The following SLC2A9 variants were observed in gnomAD, a reference collection of about 807,000 sequenced individuals.
SLC2A9 encodes solute carrier family 2, facilitated glucose transporter member 9.
Under a neutral mutation model 50.6 loss-of-function variants are expected in SLC2A9, and 39 were observed. The ratio of observed to expected loss-of-function variants is 0.77; its 90% CI spans 0.60 to 1.01. The LOEUF is 1.01. Among genes scored for constraint, SLC2A9 ranks in the 50% least tolerant of loss-of-function variants. The pLI is 0.00. For missense variants in SLC2A9, 686 were observed against 677.6 expected, an observed-to-expected ratio of 1.01 and a Z score of -0.14; for synonymous variants, 324 against 276.9, an observed-to-expected ratio of 1.17 and a Z score of -1.69.
intron 5 of SLC2A9, among the ~76,000 whole-genome samples, chr4:9,956,178 T>A (rs1751243954): frequency 6.6e-6 from 1 of 151,186 alleles, no homozygotes; most frequent in South Asian, 2.1e-4. Flanking sequence ...CCAGTGAGCA[T>A]CTGGATTTTT....
intron 1 of SLC2A9, among the ~76,000 whole-genome samples, chr4:10,029,545 T>A (rs561447284): frequency 9.1e-4 from 62 of 68,300 alleles, no homozygotes; most frequent in African/African-American, 2.4e-3. Flanking sequence ...AGGAATTTTT[T>A]AAATATTTTA....
Position 9,911,980 on chromosome 4 carries a change from G to C in SLC2A9, c.1003-3635C>G, listed in dbSNP as rs561329337. On this transcript the variant is annotated intron_variant, in intron 7 of 11. Coordinates refer to ENST00000264784, the MANE Select transcript of SLC2A9 (RefSeq NM_020041.3). ...CAGCCATAAAAAATAATGAGTTCATGTCCTTTGTAGGGACATGGATGAAGC... is the reference window on the plus strand; with the variant it reads ...CAGCCATAAAAAATAATGAGTTCATCTCCTTTGTAGGGACATGGATGAAGC... 2.7e-3 allele frequency among the ~76,000 whole-genome samples: 405 copies of C among 152,286 alleles called. 6 individuals carry two copies. The highest frequency in any genetic ancestry group is 9.5e-3 in the African/African-American group (396 of 41,558).
chr4:9,919,510 TG>T (rs1441081364), intron 7 of SLC2A9, among the ~76,000 whole-genome samples: 1 of 152,086 alleles, frequency 6.6e-6, no homozygotes, highest in Non-Finnish European at 1.5e-5. Context: ...CTGCCCGCCT[TG>T]GGGGGTGCTG....
chr4:9,808,176 C>T (rs538906072), intron 3 of SLC2A9, among the ~76,000 whole-genome samples: 1 of 152,172 alleles, frequency 6.6e-6, no homozygotes, highest in African/African-American at 2.4e-5. Flanking sequence ...TGTGCTCATT[C>T]TTTTTCTAGC....
intron 10 of SLC2A9, among the ~76,000 whole-genome samples, chr4:9,886,878 C>T (rs939664145): frequency 2.0e-5 from 3 of 152,144 alleles, no homozygotes; most frequent in East Asian, 1.9e-4. Context: ...GCATCCTTGT[C>T]GTTGTACAGA....
chr4:9,812,187 A>C (rs957099509), intron 3 of SLC2A9, among the ~76,000 whole-genome samples: 1 of 152,176 alleles, frequency 6.6e-6, no homozygotes, highest in Non-Finnish European at 1.5e-5. Context: ...GTTAGTTCCT[A>C]TATCTCTCAA....
intron 3 of SLC2A9, among the ~76,000 whole-genome samples, chr4:9,785,408 T>C (rs891934817): frequency 2.6e-5 from 4 of 152,262 alleles, no homozygotes; most frequent in African/African-American, 9.6e-5. Flanking sequence ...CTGTATCATT[T>C]CCCAATGCTG....
At chr4:9,887,736 G>T in intron 9 of SLC2A9, 94 bp from the exon 10 acceptor site, 1 of 1,019,016 alleles carries the variant, frequency 9.8e-7, no homozygotes, top group South Asian at 2.3e-5. Flanking sequence ...CCATCTGTGT[G>T]ACCTTGGACA....
intron 8 of SLC2A9, among the ~76,000 whole-genome samples, chr4:9,895,768 CT>C (rs1211053283): frequency 6.6e-6 from 1 of 152,186 alleles, no homozygotes; most frequent in Non-Finnish European, 1.5e-5. Context: ...ATGTATATAC[CT>C]TATAACCACA....
intron 8 of SLC2A9, among the ~76,000 whole-genome samples, chr4:9,903,090 CAG>C (rs1289042070): frequency 6.6e-6 from 1 of 152,144 alleles, no homozygotes; most frequent in African/African-American, 2.4e-5. Context: ...CAGTATGAAA[CAG>C]AGCCCAGATG....
intron 7 of SLC2A9, 112 bp from the exon 8 acceptor site, chr4:9,908,457 G>A: frequency 1.4e-6 from 1 of 738,474 alleles, no homozygotes; most frequent in South Asian, 1.5e-5. Context: ...AGAGTCCCAA[G>A]GTGGAGAGGC....
At chr4:9,976,943 C>G (rs1363157638) in intron 5 of SLC2A9, among the ~76,000 whole-genome samples, 2 of 152,228 alleles carry the variant, frequency 1.3e-5, no homozygotes, top group African/African-American at 4.8e-5. Flanking sequence ...TTCTATCTGG[C>G]TGATGTGCCA....
At chr4:9,787,512 T>G (rs1283564188) in intron 3 of SLC2A9, among the ~76,000 whole-genome samples, 1 of 152,238 alleles carries the variant, frequency 6.6e-6, no homozygotes, top group Non-Finnish European at 1.5e-5. Flanking sequence ...TCATCTAAGA[T>G]GTGATGCCCA....
chr4:9,915,913 C>G (rs1440113405), intron 7 of SLC2A9, among the ~76,000 whole-genome samples: 3 of 152,160 alleles, frequency 2.0e-5, no homozygotes, highest in Admixed American at 6.5e-5. Context: ...AGACTTTGTA[C>G]AAAACTTGAT....
At chr4:9,996,709 G>A in intron 3 of SLC2A9, 72 bp downstream of exon 3, 3 of 1,567,578 alleles carry the variant, frequency 1.9e-6, no homozygotes, top group Non-Finnish European at 2.6e-6. Context: ...TTGCCTGTCA[G>A]GACCCTGACA....
At position 9,887,445 on chromosome 4, in the gene SLC2A9, C is replaced by T. The variant is rs6836878; in HGVS notation, c.1291+122G>A. 0.56 allele frequency: 502,682 copies of T among 895,952 alleles called. 150,187 individuals carry two copies. Among genetic ancestry groups the T allele is most frequent in the Non-Finnish European group, 0.63 (372,490 of 592,432 alleles). 55.5% of individuals were successfully genotyped at this position (895,952 alleles called of 1,614,324 possible). ...GGCCAAAAGAAAGGCAGCAGACACA[C>T]ATCCCCAGTCAGGCTTTGCTTCTTC... On this transcript the variant is annotated intron_variant, in intron 10 of 11. Coordinates refer to ENST00000264784, the MANE Select transcript of SLC2A9 (RefSeq NM_020041.3).
At chr4:9,904,793 C>T (rs1740319822) in intron 8 of SLC2A9, among the ~76,000 whole-genome samples, 1 of 149,738 alleles carries the variant, frequency 6.7e-6, no homozygotes, top group Non-Finnish European at 1.5e-5. Context: ...TTCTATTCCA[C>T]ACTCTCAACC....
Position 9,783,352 on chromosome 4 carries a change from T to G in SLC2A9, n.386-3287A>C, listed in dbSNP as rs533730716. On this transcript the variant is annotated intron_variant and non_coding_transcript_variant, in intron 3 of 3. Transcript: ENST00000503803. ...CTTTCGATCGCATGTTCCAGATCTA[T>G]CAGACGTCCCCAGATGGTGACCCTG... 4 of 1,614,230 alleles carry G rather than the reference T, an allele frequency of 2.5e-6. No homozygotes were observed. In the Admixed American group the frequency reaches 5.0e-5, roughly 20 times the overall value.
chr4:9,934,273 C>T (rs897005501), intron 6 of SLC2A9, among the ~76,000 whole-genome samples: 2 of 152,194 alleles, frequency 1.3e-5, no homozygotes, highest in Non-Finnish European at 2.9e-5. Context: ...ACCACTCCAC[C>T]TGGGTAAGCA....
Sources: allele counts gnomAD v4.1 joint callset (sites outside exome capture counted in the v4.1 genomes callset), GRCh38; gene constraint gnomAD v4.1.1; transcripts MANE v1.5; gene names NCBI Gene and HGNC (gene_info 2026-07-23, HGNC 2026-07-21).